The following MAML3 variants were observed in gnomAD, a reference collection of about 807,000 sequenced individuals.
MAML3 encodes mastermind-like protein 3.
Under a neutral mutation model 101.9 loss-of-function variants are expected in MAML3, and 27 were observed. The ratio of observed to expected loss-of-function variants is 0.27; its 90% confidence interval spans 0.20 to 0.37. The LOEUF is 0.37. MAML3 is among the 10% of genes least tolerant of loss of function. The pLI is 1.00. For synonymous variants in MAML3, 501 were observed against 555.9 expected (o/e 0.90, Z 1.39); for missense variants, 1,316 against 1,444.9 (o/e 0.91, Z 1.45).
At chr4:140,047,274 G>A (rs1297501460) in intron 1 of MAML3, among the ~76,000 whole-genome samples, 1 of 152,120 alleles carries the variant, frequency 6.6e-6, no homozygotes, top group Non-Finnish European at 1.5e-5. Context: ...TGGGGGGAAC[G>A]CACTGAGGGA....
chr4:139,934,486 G>A (rs1429454720), intron 1 of MAML3, among the ~76,000 whole-genome samples: 2 of 152,044 alleles, frequency 1.3e-5, no homozygotes, highest in Admixed American at 6.5e-5. Context: ...CTGTGCATGC[G>A]GCGGTGATGT....
chr4:140,121,928 G>C (rs1430586963), intron 1 of MAML3, among the ~76,000 whole-genome samples: 2 of 152,108 alleles, frequency 1.3e-5, no homozygotes, highest in Admixed American at 1.3e-4. Flanking sequence ...GTGATAGTGA[G>C]TTCTCACGAG....
At chr4:139,968,309 T>TAAAAAA (rs60977680) in intron 1 of MAML3, among the ~76,000 whole-genome samples, 60 of 106,308 alleles carry the variant, frequency 5.6e-4, no homozygotes, top group African/African-American at 2.0e-3. Flanking sequence ...GGCTCTGTCT[T>TAAAAAA]AAAAAAAAAA....
At chr4:140,149,272 A>G (rs1354577365) in intron 1 of MAML3, among the ~76,000 whole-genome samples, 1 of 152,178 alleles carries the variant, frequency 6.6e-6, no homozygotes. Flanking sequence ...TCATTTGACT[A>G]CATGTTCAGA....
At chr4:139,738,889 A>T (rs1729057205) in intron 2 of MAML3, among the ~76,000 whole-genome samples, 1 of 152,204 alleles carries the variant, frequency 6.6e-6, no homozygotes, top group Non-Finnish European at 1.5e-5. Flanking sequence ...CATGGTATAT[A>T]CACAATTACA....
At chr4:140,105,361 A>G (rs971301137) in intron 1 of MAML3, among the ~76,000 whole-genome samples, 1 of 152,138 alleles carries the variant, frequency 6.6e-6, no homozygotes, top group South Asian at 2.1e-4. Flanking sequence ...CAACTCGACT[A>G]TCCTGGTCTT....
At chr4:139,809,348 T>C (rs1295093638) in intron 2 of MAML3, among the ~76,000 whole-genome samples, 1 of 152,250 alleles carries the variant, frequency 6.6e-6, no homozygotes, top group Non-Finnish European at 1.5e-5. Flanking sequence ...TGAGAGGATG[T>C]GCTCTTAGCT....
chr4:139,901,776 C>G (rs79851084), intron 1 of MAML3, among the ~76,000 whole-genome samples: 1,740 of 152,216 alleles, frequency 0.011, 29 homozygotes, highest in African/African-American at 0.04. Flanking sequence ...AGGAGGGAGG[C>G]GGGAAGGAGC....
chr4:139,889,313 G>A (rs558705163), intron 2 of MAML3, 44 bp downstream of exon 2: 44 of 1,613,752 alleles, frequency 2.7e-5, no homozygotes, highest in Non-Finnish European at 3.3e-5. Context: ...AGTCTGAAAT[G>A]CACCACAAGA....
At chr4:139,880,617 T>C (rs1732199919) in intron 2 of MAML3, among the ~76,000 whole-genome samples, 1 of 152,236 alleles carries the variant, frequency 6.6e-6, no homozygotes, top group Admixed American at 6.5e-5. Flanking sequence ...GATGATCATG[T>C]TGACACTGTT....
intron 2 of MAML3, among the ~76,000 whole-genome samples, chr4:139,822,883 G>A (rs1457257177): frequency 6.6e-6 from 1 of 152,198 alleles, no homozygotes; most frequent in Non-Finnish European, 1.5e-5. Flanking sequence ...CCCTGATTCT[G>A]AAGAGCAGAA....
intron 1 of MAML3, among the ~76,000 whole-genome samples, chr4:140,057,423 C>A (rs28707777): frequency 0.036 from 5,496 of 152,084 alleles, 207 homozygotes; most frequent in African/African-American, 0.092. Flanking sequence ...TAAGAACAGC[C>A]CCTTGGTCAG....
chr4:139,810,294 G>A (rs1730774462), intron 2 of MAML3, among the ~76,000 whole-genome samples: 1 of 149,990 alleles, frequency 6.7e-6, no homozygotes, highest in South Asian at 2.1e-4. Flanking sequence ...CTGGGCTCAA[G>A]TGATACTCTG....
intron 1 of MAML3, among the ~76,000 whole-genome samples, chr4:140,108,376 G>A (rs902336542): frequency 4.0e-5 from 6 of 151,690 alleles, no homozygotes; most frequent in African/African-American, 1.5e-4. Flanking sequence ...ATGCTTCCCT[G>A]AGTCTCCAAC....
rs577214649 is a variant in MAML3 at position 139,860,588 on chromosome 4, G to A, written c.2079+28769C>T. On this transcript the variant is annotated intron_variant, in intron 2 of 4. Coordinates refer to ENST00000509479, the MANE Select transcript of MAML3 (RefSeq NM_018717.5). ...TCAGGAAAGGCGGGCTTTGTCCACC[G>A]TCCTGCACCCACTTAGGCAGGGACT... is the stretch of plus-strand genomic sequence containing the variant. Among the ~76,000 whole-genome samples the A allele has an allele frequency of 1.7e-3, 265 of 152,248 alleles. 2 individuals carry two copies. The highest frequency in any genetic ancestry group is 5.1e-3 in the Admixed American group (78 of 15,292).
chr4:140,101,832 G>A (rs1178006340), intron 1 of MAML3, among the ~76,000 whole-genome samples: 4 of 151,200 alleles, frequency 2.6e-5, no homozygotes, highest in South Asian at 2.1e-4. Flanking sequence ...GCAATTCCAC[G>A]TGCTGGGTCA....
rs1728917541 is a variant in MAML3 at position 139,735,815 on chromosome 4, T to C, written c.2080-5148A>G. ...GACTGCCTCTCGGCGCAGGCGGCCCTAACAAAGAAGCCCACGAGGCGGTCC... is the reference window on the plus strand; with the variant it reads ...GACTGCCTCTCGGCGCAGGCGGCCCCAACAAAGAAGCCCACGAGGCGGTCC... On this transcript the variant is annotated intron_variant, in intron 2 of 4. Coordinates refer to ENST00000509479, the MANE Select transcript of MAML3 (RefSeq NM_018717.5). This position sits in a 1 kb window ranked among gnomAD's most constrained non-coding sequence, Gnocchi z 5.8. 6.6e-6 allele frequency among the ~76,000 whole-genome samples: 1 copy of C among 151,846 alleles called. No homozygotes were observed. Among genetic ancestry groups the C allele is most frequent in the African/African-American group, 2.4e-5 (1 of 41,342 alleles).
chr4:139,858,343 C>T (rs1185469025), intron 2 of MAML3, among the ~76,000 whole-genome samples: 2 of 152,216 alleles, frequency 1.3e-5, no homozygotes, highest in East Asian at 1.9e-4. Context: ...TCCTCTCAGC[C>T]CTAGGTCATG....
At chr4:140,113,929 C>T (rs1234005110) in intron 1 of MAML3, among the ~76,000 whole-genome samples, 1 of 152,170 alleles carries the variant, frequency 6.6e-6, no homozygotes, top group Non-Finnish European at 1.5e-5. Context: ...TCAGTATCTG[C>T]TCCCACCCCG....
Sources: gnomAD v4.1 joint callset for allele counts (sites outside exome capture counted in the v4.1 genomes callset) on GRCh38, gnomAD v4.1.1 for gene constraint, Gnocchi (gnomAD v3.1) non-coding constraint, MANE v1.5 for transcripts, NCBI Gene and HGNC (gene_info 2026-07-23, HGNC 2026-07-21) for gene names.